ANXA10: variants seen among roughly 807,000 people sequenced by gnomAD.
ANXA10 encodes the protein annexin 14.
In ANXA10, 49 loss-of-function variants were observed where a neutral mutation model predicts 53.5. The observed-to-expected ratio is 0.92, with a 90% CI of 0.73 to 1.16. The LOEUF (loss-of-function observed/expected upper bound fraction) is 1.16, where lower values mean the gene tolerates loss of function less well. ANXA10 is among the 50% of genes most tolerant of loss of function. The pLI is 0.00. For missense variants in ANXA10, 393 were observed against 394.4 expected, an observed-to-expected ratio of 1.00 and a Z score of 0.03; for synonymous variants, 131 against 128.9, an observed-to-expected ratio of 1.02 and a Z score of -0.11.
chr4:168,165,957 G>GT (rs1356291358), intron 6 of ANXA10, among the ~76,000 whole-genome samples: 1 of 152,210 alleles, frequency 6.6e-6, no homozygotes, highest in African/African-American at 2.4e-5. Flanking sequence ...AATTACAGGC[G>GT]TGAGCCACCA....
chr4:168,134,117 T>C (rs892626757), intron 2 of ANXA10, among the ~76,000 whole-genome samples: 4 of 152,088 alleles, frequency 2.6e-5, no homozygotes, highest in Non-Finnish European at 5.9e-5. Context: ...TAAGCAATTA[T>C]GTGTTAGGAA....
chr4:168,101,496 T>G (rs2149464318), intron 1 of ANXA10, among the ~76,000 whole-genome samples: 1 of 139,840 alleles, frequency 7.2e-6, no homozygotes, highest in Non-Finnish European at 1.6e-5. Context: ...TTTGTGTTTT[T>G]TTTGGGGGGG....
Position 168,184,597 on chromosome 4 carries a change from C to T in ANXA10, c.822C>T (p.Leu274=). The part of the protein sequence containing the change: ...GFHNKTVIRI[L]IARSEIDLLT... ...ATAATAAAACTGTAATCAGGATTCTCATTGCCAGAAGTGAAATAGACCTGC... is the reference window on the plus strand; with the variant it reads ...ATAATAAAACTGTAATCAGGATTCTTATTGCCAGAAGTGAAATAGACCTGC... The change falls in exon 11 of 12, where the codon CTC becomes CTT. Residue 274 remains leucine, a synonymous_variant. Coordinates refer to ENST00000359299, the MANE Select transcript of ANXA10 (RefSeq NM_007193.5). The T allele has an allele frequency of 6.2e-7, 1 of 1,613,922 alleles. No individual in the cohort carries two copies. Among genetic ancestry groups the T allele is most frequent in the Non-Finnish European group, 8.5e-7 (1 of 1,179,870 alleles).
intron 2 of ANXA10, among the ~76,000 whole-genome samples, chr4:168,136,165 C>G (rs1025792560): frequency 6.6e-6 from 1 of 152,138 alleles, no homozygotes; most frequent in Non-Finnish European, 1.5e-5. Flanking sequence ...GGCCCCTCCT[C>G]CAACACTGGG....
chr4:168,137,646 T>C (rs1731258559), intron 2 of ANXA10, among the ~76,000 whole-genome samples: 1 of 152,224 alleles, frequency 6.6e-6, no homozygotes, highest in Non-Finnish European at 1.5e-5. Flanking sequence ...CATGGTTCCA[T>C]GGTGTGTATA....
chr4:168,131,577 ACT>A (rs1731157405), intron 2 of ANXA10, among the ~76,000 whole-genome samples: 1 of 151,778 alleles, frequency 6.6e-6, no homozygotes, highest in Non-Finnish European at 1.5e-5. Context: ...TTGACAAATT[ACT>A]CTAGAGGTGT....
intron 6 of ANXA10, among the ~76,000 whole-genome samples, chr4:168,173,737 A>C (rs1281800322): frequency 2.0e-5 from 3 of 152,172 alleles, no homozygotes; most frequent in Non-Finnish European, 4.4e-5. Flanking sequence ...GTCTCAGATA[A>C]ATCCACAGAC....
At chr4:168,134,378 T>C (rs1023645748) in intron 2 of ANXA10, among the ~76,000 whole-genome samples, 1 of 152,132 alleles carries the variant, frequency 6.6e-6, no homozygotes, top group African/African-American at 2.4e-5. Context: ...TTGAGATTCA[T>C]ATAAAATATC....
intron 1 of ANXA10, among the ~76,000 whole-genome samples, chr4:168,095,801 G>A (rs1373860226): frequency 6.6e-6 from 1 of 152,096 alleles, no homozygotes; most frequent in African/African-American, 2.4e-5. Context: ...AGAGGATTCT[G>A]TGTAACTCCA....
At chr4:168,163,217 T>G (rs13113929) in intron 4 of ANXA10, among the ~76,000 whole-genome samples, 89,325 of 151,972 alleles carry the variant, frequency 0.59, 27,162 homozygotes, top group African/African-American at 0.71. Flanking sequence ...TGAAATAAGT[T>G]GACTGTGGAT....
intron 3 of ANXA10, among the ~76,000 whole-genome samples, chr4:168,156,252 T>A (rs1184532017): frequency 3.4e-5 from 1 of 29,066 alleles, no homozygotes; most frequent in Non-Finnish European, 6.1e-5. Flanking sequence ...TAGTATATAT[T>A]ATATATAATG....
At position 168,183,884 on chromosome 4, in the gene ANXA10, C is replaced by G. The variant is rs7692131; in HGVS notation, c.784-675C>G. ...AAACATTGTCTTCAAAAATCAGATT[C>G]TGTTTTCTGGCCACTAGATGTCACG... On this transcript the variant is annotated intron_variant, in intron 10 of 11. Transcript: ENST00000359299. Among the ~76,000 whole-genome samples, 871 of 152,188 alleles carry G rather than the reference C, an allele frequency of 5.7e-3. 6 individuals carry two copies. Among genetic ancestry groups the G allele is most frequent in the African/African-American group, 0.018 (727 of 41,510 alleles).
chr4:168,156,298 T>TATAATAG (rs1731675085), intron 3 of ANXA10, among the ~76,000 whole-genome samples: 3 of 67,998 alleles, frequency 4.4e-5, no homozygotes, highest in African/African-American at 1.6e-4. Flanking sequence ...TTATATTATA[T>TATAATAG]TATATATAAT....
chr4:168,163,375 C>A (rs982704647), intron 4 of ANXA10, among the ~76,000 whole-genome samples: 2 of 151,974 alleles, frequency 1.3e-5, no homozygotes, highest in African/African-American at 4.8e-5. Flanking sequence ...AATCTGTGAA[C>A]AATGTGTGAC....
intron 9 of ANXA10, among the ~76,000 whole-genome samples, chr4:168,179,694 T>C (rs1268372796): frequency 2.6e-5 from 4 of 152,220 alleles, no homozygotes; most frequent in African/African-American, 9.6e-5. Flanking sequence ...TTTTCTTCTC[T>C]TTAGGAGGAA....
chr4:168,099,666 T>C (rs1452748785), intron 1 of ANXA10, among the ~76,000 whole-genome samples: 1 of 152,130 alleles, frequency 6.6e-6, no homozygotes, highest in Non-Finnish European at 1.5e-5. Context: ...TTCTAGATAT[T>C]GTGAATACTA....
At chr4:168,133,167 C>T (rs987744474) in intron 2 of ANXA10, among the ~76,000 whole-genome samples, 7 of 151,972 alleles carry the variant, frequency 4.6e-5, no homozygotes, top group African/African-American at 1.7e-4. Context: ...AAGCATAGTG[C>T]TGAAGTACTG....
At chr4:168,107,040 T>G (rs1730730645) in intron 1 of ANXA10, among the ~76,000 whole-genome samples, 3 of 152,164 alleles carry the variant, frequency 2.0e-5, no homozygotes, top group Admixed American at 6.5e-5. Flanking sequence ...TTCTTAGGAA[T>G]ACTATCCCCC....
At chr4:168,177,460 C>T (rs906819527) in intron 6 of ANXA10, among the ~76,000 whole-genome samples, 3 of 152,178 alleles carry the variant, frequency 2.0e-5, no homozygotes, top group South Asian at 2.1e-4. Context: ...GGAGAAGATA[C>T]TGCACAGAGA....
Sources: gnomAD v4.1 joint callset for allele counts (sites outside exome capture counted in the v4.1 genomes callset) on GRCh38, gnomAD v4.1.1 for gene constraint, MANE v1.5 for transcripts, NCBI Gene and HGNC (gene_info 2026-07-23, HGNC 2026-07-21) for gene names.